ROBO2: variants seen among roughly 807,000 people sequenced by gnomAD.
ROBO2 encodes roundabout homolog 2.
In ROBO2, 53 loss-of-function variants were observed where a neutral mutation model predicts 160.8. The ratio of observed to expected loss-of-function variants is 0.33; its 90% CI spans 0.26 to 0.41. The LOEUF (loss-of-function observed/expected upper bound fraction) is 0.41. Among genes scored for constraint, ROBO2 ranks in the 10% least tolerant of loss-of-function variants. The pLI is 1.00. For synonymous variants in ROBO2, 664 were observed against 611.7 expected (o/e 1.09, Z -1.26); for missense variants, 1,577 against 1,722.4 (o/e 0.92, Z 1.49).
At chr3:75,937,717 G>C in intron 2 of ROBO2, 3 of 571,074 alleles carry the variant, frequency 5.3e-6, no homozygotes, top group Non-Finnish European at 8.8e-6. Flanking sequence ...TTTCCCCCAG[G>C]TTTTTGTTAC....
chr3:77,128,654 A>G (rs1190583723), intron 2 of ROBO2, among the ~76,000 whole-genome samples: 1 of 152,212 alleles, frequency 6.6e-6, no homozygotes, highest in Non-Finnish European at 1.5e-5. Flanking sequence ...CTTCACCATG[A>G]TATTTAATGG....
intron 2 of ROBO2, among the ~76,000 whole-genome samples, chr3:76,002,191 A>G (rs777929619): frequency 1.4e-4 from 22 of 152,132 alleles, no homozygotes; most frequent in African/African-American, 5.3e-4. Flanking sequence ...GGCTGTTAGG[A>G]TGGGCCCTAA....
intron 2 of ROBO2, among the ~76,000 whole-genome samples, chr3:77,217,502 G>A (rs1560264439): frequency 6.6e-6 from 1 of 152,124 alleles, no homozygotes; most frequent in Admixed American, 6.5e-5. Flanking sequence ...ACCTGATTTA[G>A]CCATGTAACA....
chr3:77,102,207 G>T (rs757641256), intron 2 of ROBO2, among the ~76,000 whole-genome samples: 35 of 152,184 alleles, frequency 2.3e-4, no homozygotes, highest in Non-Finnish European at 2.2e-4. Context: ...CTAGAATGGA[G>T]CTCTGAATGG....
At chr3:76,287,923 G>C (rs2107691120) in intron 2 of ROBO2, among the ~76,000 whole-genome samples, 2 of 110,490 alleles carry the variant, frequency 1.8e-5, no homozygotes, top group Middle Eastern at 0.011. Context: ...TATGCAGGTA[G>C]GTATGTTTGT....
chr3:77,327,240 A>G (rs1472213687), intron 2 of ROBO2, among the ~76,000 whole-genome samples: 1 of 152,200 alleles, frequency 6.6e-6, no homozygotes, highest in Non-Finnish European at 1.5e-5. Flanking sequence ...TTCTATGAGA[A>G]TACTTCTAAC....
At chr3:77,560,614 G>GA (rs1449581068) in intron 9 of ROBO2, among the ~76,000 whole-genome samples, 8 of 151,950 alleles carry the variant, frequency 5.3e-5, no homozygotes, top group Non-Finnish European at 1.0e-4. Context: ...TAATGCAAGG[G>GA]AAAAAAATAA....
chr3:76,285,327 C>T (rs753816251), intron 2 of ROBO2, among the ~76,000 whole-genome samples: 1 of 151,986 alleles, frequency 6.6e-6, no homozygotes, highest in African/African-American at 2.4e-5. Flanking sequence ...TTAAGTGCAT[C>T]AACTCAGTAA....
At chr3:76,918,270 G>C (rs139296023) in intron 2 of ROBO2, among the ~76,000 whole-genome samples, 4,491 of 152,146 alleles carry the variant, frequency 0.03, 224 homozygotes, top group African/African-American at 0.1. Flanking sequence ...GTGAGTTCTC[G>C]TGAGATCTGA....
intron 2 of ROBO2, among the ~76,000 whole-genome samples, chr3:77,017,461 G>C (rs148664050): frequency 6.6e-6 from 1 of 152,262 alleles, no homozygotes; most frequent in Non-Finnish European, 1.5e-5. Flanking sequence ...GATTGGACAT[G>C]GTTTTCTTCC....
intron 2 of ROBO2, among the ~76,000 whole-genome samples, chr3:76,878,655 G>A (rs768943023): frequency 3.0e-4 from 45 of 152,094 alleles, no homozygotes; most frequent in Non-Finnish European, 4.7e-4. Context: ...TTCTTTTCTC[G>A]TTTATTCAAT....
At chr3:76,310,599 C>G (rs572689043) in intron 2 of ROBO2, among the ~76,000 whole-genome samples, 2 of 152,114 alleles carry the variant, frequency 1.3e-5, no homozygotes, top group African/African-American at 2.4e-5. Flanking sequence ...TTGAATGTCA[C>G]GAGGTGAAGT....
At chr3:76,600,828 C>A (rs2087087119) in intron 2 of ROBO2, among the ~76,000 whole-genome samples, 1 of 152,160 alleles carries the variant, frequency 6.6e-6, no homozygotes, top group Non-Finnish European at 1.5e-5. Context: ...TCCCCCAAAG[C>A]CTTAACTCAT....
intron 2 of ROBO2, among the ~76,000 whole-genome samples, chr3:76,436,539 T>C (rs1156683702): frequency 1.3e-5 from 2 of 152,198 alleles, no homozygotes; most frequent in Non-Finnish European, 2.9e-5. Context: ...GGACAAACAC[T>C]TACCAAAATA....
intron 2 of ROBO2, among the ~76,000 whole-genome samples, chr3:76,088,874 C>A (rs1171430609): frequency 1.3e-5 from 2 of 151,656 alleles, no homozygotes; most frequent in Non-Finnish European, 2.9e-5. Context: ...GTGGAGGAAT[C>A]CATGACACTA....
chr3:77,396,428 G>C (rs1482207157), intron 2 of ROBO2, among the ~76,000 whole-genome samples: 1 of 152,068 alleles, frequency 6.6e-6, no homozygotes, highest in African/African-American at 2.4e-5. Flanking sequence ...ACAAAAGAGT[G>C]AATACGTGAA....
At chr3:76,627,838 T>A (rs1356813111) in intron 2 of ROBO2, among the ~76,000 whole-genome samples, 1 of 152,166 alleles carries the variant, frequency 6.6e-6, no homozygotes, top group Non-Finnish European at 1.5e-5. Flanking sequence ...TCTCTGAACA[T>A]GAAATTAATG....
At chr3:76,514,422 A>T (rs1291105018) in intron 2 of ROBO2, among the ~76,000 whole-genome samples, 1 of 152,200 alleles carries the variant, frequency 6.6e-6, no homozygotes, top group African/African-American at 2.4e-5. Flanking sequence ...ATTGTCCTTT[A>T]TTCAGCTGAG....
chr3:77,405,197 A>T (rs1277540100), intron 2 of ROBO2, among the ~76,000 whole-genome samples: 1 of 152,172 alleles, frequency 6.6e-6, no homozygotes, highest in Non-Finnish European at 1.5e-5. Context: ...AAGAACTTAC[A>T]ACTAAATGGA....
Sources: allele counts gnomAD v4.1 joint callset (sites outside exome capture counted in the v4.1 genomes callset), GRCh38; gene constraint gnomAD v4.1.1; transcripts MANE v1.5; gene names NCBI Gene and HGNC (gene_info 2026-07-23, HGNC 2026-07-21).